The following POU2F1 variants were observed in gnomAD, a reference collection of about 807,000 sequenced individuals.
The protein encoded by POU2F1 is POU class 2 homeobox 1.
POU2F1 carries 16 observed loss-of-function variants against 84.9 expected under a neutral mutation model. The ratio of observed to expected loss-of-function variants is 0.19; its 90% CI spans 0.13 to 0.29. The LOEUF is 0.29. POU2F1 is among the 10% of genes least tolerant of loss of function. POU2F1 has a pLI of 1.00. For synonymous variants in POU2F1, 368 were observed against 368.3 expected (o/e 1.00, Z 0.01); for missense variants, 738 against 942.6 (o/e 0.78, Z 2.84).
chr1:167,343,631 AATTTTTTTTTTTTTTTTTTTTTTT>A (rs1658003971), intron 2 of POU2F1, among the ~76,000 whole-genome samples: 1 of 122,120 alleles, frequency 8.2e-6, no homozygotes, highest in Non-Finnish European at 1.7e-5. Context: ...GCCAGGGGTC[AATTTTTTTTTTTTTTTTTTTTTTT>A]TTTTTTTTTT....
chr1:167,375,896 T>G, intron 6 of POU2F1, 133 bp from the exon 7 acceptor site: 1 of 1,124,904 alleles, frequency 8.9e-7, no homozygotes, highest in South Asian at 1.5e-5. Context: ...ATACCCTGTT[T>G]GGAATATGAA....
At chr1:167,391,614 G>A (rs1648414762) in intron 9 of POU2F1, among the ~76,000 whole-genome samples, 1 of 123,162 alleles carries the variant, frequency 8.1e-6, no homozygotes. Context: ...CTGTCACCCA[G>A]GCTGGAGTAC....
chr1:167,294,172 C>CAAAAAA lies in POU2F1; in HGVS notation c.62-38276_62-38271dup, dbSNP rs60846607. ...GTGAAACCCCGTCTCTACTAAAATA[C>CAAAAAA]AAAAAAAAAAAAAAAAAAAAAAAAA... On this transcript the variant is annotated intron_variant, in intron 1 of 15. Coordinates refer to ENST00000367866, the MANE Select transcript of POU2F1 (RefSeq NM_002697.4). Among the ~76,000 whole-genome samples, 275 of 30,946 alleles carry CAAAAAA rather than the reference C, an allele frequency of 8.9e-3. 1 individual carries two copies. Among genetic ancestry groups the CAAAAAA allele is most frequent in the Non-Finnish European group, 0.015 (171 of 11,110 alleles). The allele number at this position is 30,946 out of a possible 152,430, so 20.3% of individuals were successfully genotyped here. A position where few individuals can be genotyped will look rare whatever the true frequency, so the allele number is the denominator to read the frequency against.
In POU2F1 at chr1:167,284,955, A is replaced by G. The variant is rs190110667; in HGVS notation, c.62-47515A>G. Among the ~76,000 whole-genome samples the G allele has an allele frequency of 3.0e-3, 462 of 152,284 alleles. 4 individuals are homozygous for G. Among genetic ancestry groups the G allele is most frequent in the Non-Finnish European group, 3.8e-3 (259 of 68,022 alleles). ...ACAGAATAACTTGTCATTATTTGCT[A>G]TCTATACTCGATTCATTTGTGTTCA... On this transcript the variant is annotated intron_variant, in intron 1 of 15. Coordinates refer to ENST00000367866, the MANE Select transcript of POU2F1 (RefSeq NM_002697.4).
intron 1 of POU2F1, among the ~76,000 whole-genome samples, chr1:167,242,187 TTAAC>T (rs372151269): frequency 6.6e-6 from 1 of 152,230 alleles, no homozygotes; most frequent in Non-Finnish European, 1.5e-5. Context: ...TAATTATGGT[TTAAC>T]TAAGAAGCAC....
intron 1 of POU2F1, among the ~76,000 whole-genome samples, chr1:167,321,629 A>T (rs1393840572): frequency 6.6e-6 from 1 of 152,306 alleles, no homozygotes; most frequent in Admixed American, 6.5e-5. Context: ...GTTTCTCTTT[A>T]CTTAGCAGCC....
chr1:167,238,787 T>C (rs1429925296), intron 1 of POU2F1, among the ~76,000 whole-genome samples: 4 of 152,240 alleles, frequency 2.6e-5, no homozygotes, highest in Non-Finnish European at 5.9e-5. Context: ...AAGAAATGTT[T>C]TCAGAGTAAA....
chr1:167,417,642 T>TA lies in POU2F1; in HGVS notation c.*1832_*1833insA, dbSNP rs1650397418. ...TGGTGGCTGTGGGTGCTTGCTTAAA[T>TA]CTCTGGTGGTCCCAAGACTGCACTT... On this transcript the variant is annotated 3_prime_UTR_variant, in exon 16 of 16. Coordinates refer to ENST00000367866, the MANE Select transcript of POU2F1 (RefSeq NM_002697.4). The TA allele has an allele frequency of 1.3e-5, 2 of 152,226 alleles. No homozygotes were observed. The highest frequency in any genetic ancestry group is 4.8e-5 in the African/African-American group (2 of 41,448). 9.4% of individuals were successfully genotyped at this position (152,226 alleles called of 1,614,324 possible). A position where few individuals can be genotyped will look rare whatever the true frequency, so the allele number is the denominator to read the frequency against.
At position 167,283,149 on chromosome 1, in the gene POU2F1, G is replaced by C. The variant is rs189946863; in HGVS notation, c.62-49321G>C. On this transcript the variant is annotated intron_variant, in intron 1 of 15. Transcript: ENST00000367866. ...CTAGTACATTGTGACCCTTTTTTGAGGGCAGGAACTAAATCTTATCAACTT... is the reference window on the plus strand; with the variant it reads ...CTAGTACATTGTGACCCTTTTTTGACGGCAGGAACTAAATCTTATCAACTT... Among the ~76,000 whole-genome samples the C allele has an allele frequency of 2.6e-3, 393 of 152,076 alleles. 2 individuals carry two copies. The highest frequency in any genetic ancestry group is 4.3e-3 in the Non-Finnish European group (292 of 67,972).
intron 2 of POU2F1, among the ~76,000 whole-genome samples, chr1:167,333,562 T>C (rs1438280139): frequency 6.6e-6 from 1 of 152,200 alleles, no homozygotes; most frequent in Admixed American, 6.5e-5. Context: ...CCTGCCTGTA[T>C]GTCTTTTGCT....
Position 167,421,241 on chromosome 1 carries a change from G to A in POU2F1, c.*5431G>A, listed in dbSNP as rs1650633764. On this transcript the variant is annotated 3_prime_UTR_variant, in exon 16 of 16. Transcript: ENST00000367866. ...TCTGTAAGAAGAATAACTGAGATCA[G>A]CTATTATATAGGTTTGCATGGATGG... 1 of 152,190 alleles carries A rather than the reference G, an allele frequency of 6.6e-6. No homozygotes were observed. Among genetic ancestry groups the A allele is most frequent in the Non-Finnish European group, 1.5e-5 (1 of 68,030 alleles). The allele number at this position is 152,190 out of a possible 1,614,324, so 9.4% of individuals were successfully genotyped here.
intron 1 of POU2F1, among the ~76,000 whole-genome samples, chr1:167,294,552 G>A (rs1248468833): frequency 6.6e-6 from 1 of 152,054 alleles, no homozygotes; most frequent in Non-Finnish European, 1.5e-5. Context: ...AATCTACAAG[G>A]AACTCAAACA....
chr1:167,258,807 G>A, intron 1 of POU2F1, among the ~76,000 whole-genome samples: 1 of 152,162 alleles, frequency 6.6e-6, no homozygotes, highest in East Asian at 1.9e-4. Flanking sequence ...TTGCAATACA[G>A]GTCTACTAAT....
chr1:167,340,618 A>G (rs1657785120), intron 2 of POU2F1, among the ~76,000 whole-genome samples: 1 of 150,740 alleles, frequency 6.6e-6, no homozygotes, highest in South Asian at 2.1e-4. Flanking sequence ...TTTTAATAGA[A>G]ACTGGGTTTC....
chr1:167,371,572 T>C (rs1277933846), intron 4 of POU2F1, among the ~76,000 whole-genome samples: 1 of 152,172 alleles, frequency 6.6e-6, no homozygotes, highest in Non-Finnish European at 1.5e-5. Context: ...TATGTTAAAA[T>C]ATTGGTTTGG....
intron 9 of POU2F1, among the ~76,000 whole-genome samples, chr1:167,391,432 C>G (rs919462579): frequency 1.3e-5 from 2 of 151,762 alleles, no homozygotes; most frequent in Admixed American, 6.6e-5. Context: ...AAATATTACT[C>G]AAATTATTTT....
intron 1 of POU2F1, among the ~76,000 whole-genome samples, chr1:167,250,594 A>G (rs1650653676): frequency 1.3e-5 from 2 of 152,228 alleles, no homozygotes; most frequent in African/African-American, 4.8e-5. Flanking sequence ...TGTACAAATA[A>G]CAAAGGTAGC....
At chr1:167,318,860 T>C (rs977794460) in intron 1 of POU2F1, among the ~76,000 whole-genome samples, 5 of 152,172 alleles carry the variant, frequency 3.3e-5, no homozygotes, top group African/African-American at 4.8e-5. Flanking sequence ...TTACAGGCCA[T>C]AGAAGTGGTA....
At position 167,361,594 on chromosome 1, in the gene POU2F1, C is replaced by T. The variant is rs548608085; in HGVS notation, c.128-3873C>T. On this transcript the variant is annotated intron_variant, in intron 2 of 15. Coordinates refer to ENST00000367866, the MANE Select transcript of POU2F1 (RefSeq NM_002697.4). ...ATTACTAATATTTTTTGAGGATTTT[C>T]GCATCTATGTTCATCTGGATGTTGG... 1.9e-3 allele frequency among the ~76,000 whole-genome samples: 292 copies of T among 152,180 alleles called. 2 individuals carry two copies. The highest frequency in any genetic ancestry group is 6.8e-3 in the Middle Eastern group (2 of 294).
Sources: gnomAD v4.1 joint callset for allele counts (sites outside exome capture counted in the v4.1 genomes callset) on GRCh38, gnomAD v4.1.1 for gene constraint, MANE v1.5 for transcripts, NCBI Gene and HGNC (gene_info 2026-07-23, HGNC 2026-07-21) for gene names.